Variants in TCAF1 observed in about 807,000 individuals in gnomAD.
The protein encoded by TCAF1 is TRPM8 channel-associated factor 1.
TCAF1 carries 4 observed loss-of-function variants against 27.3 expected under a neutral mutation model. The ratio of observed to expected loss-of-function variants is 0.15; its 90% CI spans 0.07 to 0.34. TCAF1 has a LOEUF of 0.34. Ranked by LOEUF, TCAF1 falls within the 10% of genes least tolerant of loss-of-function variation. The pLI, the probability that TCAF1 is intolerant of heterozygous loss-of-function variation, is 1.00. For missense variants in TCAF1, 257 were observed against 425.8 expected (o/e 0.60, Z 3.49); for synonymous variants, 105 against 167.1 (o/e 0.63, Z 2.87).
At chr7:143,859,984 TATA>T (rs1811876028) in intron 6 of TCAF1, among the ~76,000 whole-genome samples, 2 of 25,280 alleles carry the variant, frequency 7.9e-5, no homozygotes, top group Admixed American at 1.1e-3. Context: ...ATATATATTA[TATA>T]ATATATATTA....
chr7:143,899,216 A>G (rs1176640203), intron 1 of TCAF1, among the ~76,000 whole-genome samples: 1 of 152,206 alleles, frequency 6.6e-6, no homozygotes, highest in Admixed American at 6.5e-5. Context: ...GTTTATTTAA[A>G]TATTTATATG....
At chr7:143,878,045 C>G (rs1368965895) in intron 1 of TCAF1, among the ~76,000 whole-genome samples, 1 of 152,090 alleles carries the variant, frequency 6.6e-6, no homozygotes, top group Non-Finnish European at 1.5e-5. Flanking sequence ...AATTGTGAGA[C>G]GCGGACAACA....
rs1405366450 is a variant in TCAF1, at chr7:143,851,388, G to T, written c.*2745C>A. The T allele has an allele frequency of 6.6e-6, 1 of 152,298 alleles. No individual in the cohort carries two copies. The highest frequency in any genetic ancestry group is 2.4e-5 in the African/African-American group (1 of 41,470). The allele number at this position is 152,298 out of a possible 1,614,324, so 9.4% of individuals were successfully genotyped here. ...TGAAGTCACTGGAAGATTTTTATTT[G>T]GGTTTATTAAAAATTTTTTCAAAGT... On this transcript the variant is annotated 3_prime_UTR_variant, in exon 9 of 9. Coordinates refer to ENST00000479870, the MANE Select transcript of TCAF1 (RefSeq NM_014719.3).
At chr7:143,885,075 G>A in intron 1 of TCAF1, 2 of 985,482 alleles carry the variant, frequency 2.0e-6, no homozygotes, top group Non-Finnish European at 2.4e-6. Flanking sequence ...CCTCGGCCGC[G>A]CTCCCCAAGG....
intron 1 of TCAF1, chr7:143,885,514 C>T: frequency 2.0e-6 from 2 of 985,360 alleles, no homozygotes; most frequent in Non-Finnish European, 2.4e-6. Context: ...GACCCAGACG[C>T]CCGCCCTCAG....
Position 143,876,025 on chromosome 7 carries a change from A to C in TCAF1, c.584T>G (p.Val195Gly). The change falls in exon 2 of 9, where the codon GTC becomes GGC. Residue 195 changes from valine to glycine, a missense_variant. By Grantham distance (109) the Val-to-Gly change is moderately radical. Around this residue, in one of 2 missense-constraint regions of TCAF1, gnomAD observed 255 missense variants for 260.1 expected, o/e 0.98. Coordinates refer to ENST00000479870, the MANE Select transcript of TCAF1 (RefSeq NM_014719.3). ...TGGGATCTTGGGCATCTTCTTGGAG[A>C]CTTTAAAGAAACTCGTGTCCCCTTT... ...DNKGDTSFFKVSKKMPKIPVL... is the reference protein window; with the variant it reads ...DNKGDTSFFKGSKKMPKIPVL... 1.3e-6 allele frequency: 2 copies of C among 1,573,180 alleles called. No individual in the cohort carries two copies. The highest frequency in any genetic ancestry group is 1.2e-5 in the South Asian group (1 of 83,796).
chr7:143,885,657 T>A, intron 1 of TCAF1: 1 of 651,354 alleles, frequency 1.5e-6, no homozygotes, highest in African/African-American at 2.0e-5. Context: ...AATCTACTTA[T>A]ATAAATCTAC....
At chr7:143,882,610 C>G (rs910119880) in intron 1 of TCAF1, 47 of 985,474 alleles carry the variant, frequency 4.8e-5, no homozygotes, top group Non-Finnish European at 5.7e-5. Flanking sequence ...ACCCACGGCG[C>G]ACCCATCGCG....
At position 143,876,199 on chromosome 7, in the gene TCAF1, T is replaced by A. The variant is rs1812691297; in HGVS notation, c.410A>T (p.Lys137Met). ...ACCACATTTCATGAACTTGACCAGC[T>A]TTTCTGTCATGGTTTCATTGTAGGC... Reference protein sequence around the residue: ...IDAYNETMTEKLVKFMKCGGG... With the variant: ...IDAYNETMTEMLVKFMKCGGG... Residue 137 changes from lysine to methionine, a missense_variant, in exon 2 of 9, where the codon AAG becomes ATG. Around this residue, in one of 2 missense-constraint regions of TCAF1, gnomAD observed 255 missense variants for 260.1 expected, o/e 0.98. Transcript: ENST00000479870. 6.2e-7 allele frequency: 1 copy of A among 1,614,078 alleles called. No individual in the cohort carries two copies. Among genetic ancestry groups the A allele is most frequent in the South Asian group, 1.1e-5 (1 of 91,084 alleles).
chr7:143,901,308 T>C (rs1347811160), intron 1 of TCAF1, among the ~76,000 whole-genome samples: 1 of 152,236 alleles, frequency 6.6e-6, no homozygotes, highest in Admixed American at 6.5e-5. Flanking sequence ...GTTCGAGCTG[T>C]ACTTCTTCTA....
intron 1 of TCAF1, among the ~76,000 whole-genome samples, chr7:143,895,602 T>C (rs1813835696): frequency 6.6e-6 from 1 of 151,752 alleles, no homozygotes; most frequent in Admixed American, 6.6e-5. Flanking sequence ...ACACTTATTA[T>C]TTGTGAACCT....
intron 2 of TCAF1, among the ~76,000 whole-genome samples, chr7:143,875,700 A>G (rs909501116): frequency 3.3e-5 from 5 of 152,202 alleles, no homozygotes; most frequent in Non-Finnish European, 5.9e-5. Context: ...TAACTATGCC[A>G]ACTGTTGGGG....
Position 143,886,700 on chromosome 7 carries a change from C to CTTTT in TCAF1, c.-14-10082_-14-10079dup, listed in dbSNP as rs11398264. On this transcript the variant is annotated intron_variant, in intron 1 of 8. Coordinates refer to ENST00000479870, the MANE Select transcript of TCAF1 (RefSeq NM_014719.3). ...CTTTTAATGCTTCCTCAAATTTTAC[C>CTTTT]TTTTTTTTTTTTTTTTTTTTTTTGA... Among the ~76,000 whole-genome samples, 184 of 89,144 alleles carry CTTTT rather than the reference C, an allele frequency of 2.1e-3. 2 individuals are homozygous for CTTTT. Among genetic ancestry groups the CTTTT allele is most frequent in the Middle Eastern group, 8.5e-3 (1 of 118 alleles). 58.5% of individuals were successfully genotyped at this position (89,144 alleles called of 152,430 possible).
At chr7:143,899,004 C>A (rs1347606807) in intron 1 of TCAF1, among the ~76,000 whole-genome samples, 1 of 152,150 alleles carries the variant, frequency 6.6e-6, no homozygotes, top group Non-Finnish European at 1.5e-5. Flanking sequence ...CTCTTTCTTG[C>A]CAGATGCCAG....
At chr7:143,875,284 T>C (rs1331816853) in intron 2 of TCAF1, among the ~76,000 whole-genome samples, 1 of 152,188 alleles carries the variant, frequency 6.6e-6, no homozygotes, top group Non-Finnish European at 1.5e-5. Context: ...CATTCATTCA[T>C]GCAGTCATGC....
At chr7:143,897,650 A>G (rs1813949830) in intron 1 of TCAF1, among the ~76,000 whole-genome samples, 1 of 152,144 alleles carries the variant, frequency 6.6e-6, no homozygotes, top group Non-Finnish European at 1.5e-5. Context: ...ACATTCATGT[A>G]TATGTGAAAT....
At chr7:143,884,154 CATAA>C (rs1195672198) in intron 1 of TCAF1, among the ~76,000 whole-genome samples, 4 of 152,124 alleles carry the variant, frequency 2.6e-5, no homozygotes, top group African/African-American at 9.7e-5. Context: ...ATGAGTGCCT[CATAA>C]ATAAATATTC....
At chr7:143,885,476 C>CA (rs1350178881) in intron 1 of TCAF1, 1 of 985,270 alleles carries the variant, frequency 1.0e-6, no homozygotes, top group East Asian at 1.1e-4. Flanking sequence ...GTTTCTACCC[C>CA]AAGATGCCGC....
At chr7:143,895,899 G>GA (rs1813850279) in intron 1 of TCAF1, among the ~76,000 whole-genome samples, 1 of 116,334 alleles carries the variant, frequency 8.6e-6, no homozygotes, top group Non-Finnish European at 1.7e-5. Context: ...ATAAAAGAAA[G>GA]AAAAAAATGG....
Sources: allele counts gnomAD v4.1 joint callset (sites outside exome capture counted in the v4.1 genomes callset), GRCh38; gene constraint gnomAD v4.1.1; regional missense constraint gnomAD v4.1.1; transcripts MANE v1.5; gene names NCBI Gene and HGNC (gene_info 2026-07-23, HGNC 2026-07-21).